ECPAS: variants seen among roughly 807,000 people sequenced by gnomAD.
ECPAS encodes the protein proteasome adapter and scaffold protein ECM29.
ECPAS carries 70 observed loss-of-function variants against 255.1 expected under a neutral mutation model. The ratio of observed to expected loss-of-function variants is 0.27; its 90% CI spans 0.23 to 0.33. The LOEUF (loss-of-function observed/expected upper bound fraction) is 0.33, where lower values mean the gene tolerates loss of function less well. ECPAS is among the 10% of genes least tolerant of loss of function. The probability of loss-of-function intolerance (pLI) is 1.00; values close to 1 mark genes in which losing one functional copy is unlikely to be tolerated. For synonymous variants in ECPAS, 784 were observed against 775.0 expected, an observed-to-expected ratio of 1.01 and a Z score of -0.19; for missense variants, 1,817 against 2,206.4, an observed-to-expected ratio of 0.82 and a Z score of 3.54.
chr9:111,474,858 C>G (rs1035897225), intron 1 of ECPAS, among the ~76,000 whole-genome samples: 1 of 152,196 alleles, frequency 6.6e-6, no homozygotes, highest in Non-Finnish European at 1.5e-5. Context: ...GGTAATTTGT[C>G]CAAGATCTCA....
In ECPAS at chr9:111,425,288, T is replaced by A. The variant is rs1168973311; in HGVS notation, c.1215+130A>T. ...AGTAATTTCTGAAATTTGTACTATT[T>A]CAAGTAAAATGTTAAGGAACAGTGA... On this transcript the variant is annotated intron_variant, in intron 12 of 49. Coordinates refer to ENST00000684092, the MANE Select transcript of ECPAS (RefSeq NM_001364929.1). The A allele has an allele frequency of 5.0e-6, 3 of 594,306 alleles. No individual in the cohort carries two copies. The African/African-American group carries it at 5.7e-5, about 11-fold the overall frequency. The allele number at this position is 594,306 out of a possible 1,614,324, so 36.8% of individuals were successfully genotyped here.
intron 3 of ECPAS, among the ~76,000 whole-genome samples, chr9:111,447,128 A>AT (rs1226561420): frequency 1.3e-3 from 185 of 146,082 alleles, no homozygotes; most frequent in East Asian, 7.1e-3. Context: ...ATTTATTTTG[A>AT]TTTTTTTTTT....
Position 111,382,594 on chromosome 9 carries a change from C to T in ECPAS, c.3803+617G>A, listed in dbSNP as rs571779717. Among the ~76,000 whole-genome samples the T allele has an allele frequency of 1.3e-5, 2 of 151,896 alleles. 1 individual carries two copies. The highest frequency in any genetic ancestry group is 1.3e-4 in the Admixed American group (2 of 15,232). On this transcript the variant is annotated intron_variant, in intron 35 of 49. Transcript: ENST00000684092. Reference sequence around the variant, plus strand: ...AAGTGACACTCTTAATTGCGTCATGCCTTTGCATTTGTTAGGTGAGTCCTT... The same window carrying T: ...AAGTGACACTCTTAATTGCGTCATGTCTTTGCATTTGTTAGGTGAGTCCTT...
At chr9:111,483,514 C>T (rs2098310086) in intron 1 of ECPAS, 1 of 978,348 alleles carries the variant, frequency 1.0e-6, no homozygotes, top group Non-Finnish European at 1.2e-6. Context: ...TCAGCTCATC[C>T]TGGGAGGCGG....
chr9:111,411,231 T>A, intron 21 of ECPAS, 89 bp from the exon 22 acceptor site: 2 of 1,300,756 alleles, frequency 1.5e-6, no homozygotes, highest in South Asian at 1.3e-5. Context: ...ATTAGGATCA[T>A]CTCTCCAACA....
Position 111,425,423 on chromosome 9 carries a change from T to TG in ECPAS, c.1209dup (p.Lys404GlnfsTer5). ...TTAAAAGACAAGTCACTTACCTCTT[T>TG]GTATTCATTGATTAGCTTGGTGAGG... On this transcript the variant is annotated frameshift_variant, in exon 12 of 50. Transcript: ENST00000684092. LOFTEE classifies it high-confidence loss of function. 6.3e-7 allele frequency: 1 copy of TG among 1,581,530 alleles called. No individual in the cohort carries two copies. The highest frequency in any genetic ancestry group is 2.3e-5 in the East Asian group (1 of 44,276).
chr9:111,381,984 C>A (rs796657532), intron 35 of ECPAS, among the ~76,000 whole-genome samples: 5 of 150,380 alleles, frequency 3.3e-5, no homozygotes, highest in African/African-American at 9.8e-5. Context: ...ACAGGCTAAA[C>A]TGAGTTCACG....
At chr9:111,450,100 TATACTG>T (rs1331984261) in intron 3 of ECPAS, among the ~76,000 whole-genome samples, 1 of 152,222 alleles carries the variant, frequency 6.6e-6, no homozygotes, top group Non-Finnish European at 1.5e-5. Context: ...CTGACTGTTT[TATACTG>T]ATTTCCCCAA....
chr9:111,467,889 G>T (rs1293351374), intron 2 of ECPAS, among the ~76,000 whole-genome samples: 1 of 152,152 alleles, frequency 6.6e-6, no homozygotes, highest in Non-Finnish European at 1.5e-5. Flanking sequence ...ACCTGCCAGA[G>T]GTCACCATGT....
intron 33 of ECPAS, 69 bp downstream of exon 33, chr9:111,385,268 A>C (rs1455864216): frequency 2.4e-6 from 2 of 816,630 alleles, no homozygotes; most frequent in Non-Finnish European, 3.9e-6. Context: ...TGACATACAC[A>C]ACATAAATAT....
At chr9:111,453,072 C>T (rs1209206069) in intron 2 of ECPAS, among the ~76,000 whole-genome samples, 2 of 151,976 alleles carry the variant, frequency 1.3e-5, no homozygotes, top group South Asian at 4.2e-4. Flanking sequence ...AGAGACACCC[C>T]CATCTCTACA....
chr9:111,369,991 C>T (rs115642487), intron 45 of ECPAS, among the ~76,000 whole-genome samples: 10 of 152,338 alleles, frequency 6.6e-5, no homozygotes, highest in African/African-American at 2.2e-4. Flanking sequence ...GGCAAATGGA[C>T]ACCCAGAATG....
chr9:111,423,087 A>G (rs1194476603), intron 13 of ECPAS, 112 bp downstream of exon 13: 1 of 755,196 alleles, frequency 1.3e-6, no homozygotes, highest in Admixed American at 2.5e-5. Flanking sequence ...TGACCATTAA[A>G]TACATTCCCT....
rs920768415 is a variant in ECPAS at position 111,447,415 on chromosome 9, A to G, written c.154-2921T>C. On this transcript the variant is annotated intron_variant, in intron 3 of 49. Transcript: ENST00000684092. ...CATGAGCTACTACTGCACTCGGCCTATTTTGAATTTTAAATGGATTAATTA... is the reference window on the plus strand; with the variant it reads ...CATGAGCTACTACTGCACTCGGCCTGTTTTGAATTTTAAATGGATTAATTA... Among the ~76,000 whole-genome samples the G allele has an allele frequency of 5.3e-5, 8 of 152,286 alleles. No homozygotes were observed. In the East Asian group the frequency reaches 7.7e-4, roughly 15 times the overall value.
At chr9:111,399,368 C>A (rs1381809423) in intron 24 of ECPAS, among the ~76,000 whole-genome samples, 1 of 152,216 alleles carries the variant, frequency 6.6e-6, no homozygotes, top group Non-Finnish European at 1.5e-5. Context: ...GGGAAGTACA[C>A]ACTGCCTATA....
chr9:111,385,376 T>A lies in ECPAS; in HGVS notation c.3594A>T (p.Glu1198Asp). ...GTACTCTAAAAAGCGTTTCCCAAAT[T>A]TCTGGAAGTTTATCAATGATGTCAT... ...PLDDIIDKLP[E>D]IWETLFRVQD... is the part of the protein sequence containing the mutation. Residue 1198 changes from glutamate (E) to aspartate (D), a missense_variant, in exon 33 of 50, where the codon GAA becomes GAT. By Grantham distance (45) the Glu-to-Asp change is conservative. Around this residue, in one of 4 missense-constraint regions of ECPAS, gnomAD observed 960 missense variants for 1,179.0 expected, o/e 0.81. Transcript: ENST00000684092. 1 of 1,580,348 alleles carries A rather than the reference T, an allele frequency of 6.3e-7. No homozygotes were observed. Among genetic ancestry groups the A allele is most frequent in the Non-Finnish European group, 8.6e-7 (1 of 1,159,838 alleles).
intron 36 of ECPAS, among the ~76,000 whole-genome samples, chr9:111,377,600 A>C (rs1405111833): frequency 6.6e-6 from 1 of 152,234 alleles, no homozygotes; most frequent in African/African-American, 2.4e-5. Flanking sequence ...TATAGACACG[A>C]TATACTGTTA....
At chr9:111,366,171 T>C in intron 48 of ECPAS, 68 bp downstream of exon 48, 1 of 1,019,870 alleles carries the variant, frequency 9.8e-7, no homozygotes, top group Non-Finnish European at 1.5e-6. Context: ...AAGTAGGAAA[T>C]ATTTGAAGCT....
intron 1 of ECPAS, among the ~76,000 whole-genome samples, chr9:111,477,608 G>A (rs1006964282): frequency 6.6e-6 from 1 of 152,080 alleles, no homozygotes; most frequent in Non-Finnish European, 1.5e-5. Flanking sequence ...TAGTAGTAGG[G>A]CAGAATTAAT....
Sources: allele counts gnomAD v4.1 joint callset (sites outside exome capture counted in the v4.1 genomes callset), GRCh38; gene constraint gnomAD v4.1.1; regional missense constraint gnomAD v4.1.1; transcripts MANE v1.5; gene names NCBI Gene and HGNC (gene_info 2026-07-23, HGNC 2026-07-21).